FAF1: variants seen among roughly 807,000 people sequenced by gnomAD.
The protein encoded by FAF1 is Fas associated factor 1.
Under a neutral mutation model 92.5 loss-of-function variants are expected in FAF1, and 25 were observed. That is an observed-to-expected ratio of 0.27 (90% CI 0.20 to 0.38). The LOEUF (loss-of-function observed/expected upper bound fraction) is 0.38, where lower values mean the gene tolerates loss of function less well. Ranked by LOEUF, FAF1 falls within the 10% of genes least tolerant of loss-of-function variation. The probability of loss-of-function intolerance (pLI) is 1.00; values close to 1 mark genes in which losing one functional copy is unlikely to be tolerated. For missense variants in FAF1, 636 were observed against 793.3 expected (o/e 0.80, Z 2.38); for synonymous variants, 234 against 273.2 (o/e 0.86, Z 1.42).
chr1:50,852,374 T>A (rs907430887), intron 2 of FAF1, among the ~76,000 whole-genome samples: 2 of 149,672 alleles, frequency 1.3e-5, no homozygotes. Flanking sequence ...AATAACTCAA[T>A]CAGTCAAGTA....
At chr1:50,789,641 C>A in intron 3 of FAF1, among the ~76,000 whole-genome samples, 1 of 152,216 alleles carries the variant, frequency 6.6e-6, no homozygotes, top group Non-Finnish European at 1.5e-5. Flanking sequence ...CCTAACTAAT[C>A]CCTTTATATG....
intron 8 of FAF1, among the ~76,000 whole-genome samples, chr1:50,613,285 G>A (rs1652760938): frequency 6.6e-6 from 1 of 152,160 alleles, no homozygotes; most frequent in Non-Finnish European, 1.5e-5. Context: ...ATTCTGACAT[G>A]ATATGGCATA....
chr1:50,501,903 T>C (rs1178969287), intron 15 of FAF1, among the ~76,000 whole-genome samples: 1 of 152,180 alleles, frequency 6.6e-6, no homozygotes, highest in Non-Finnish European at 1.5e-5. Flanking sequence ...ATAAAATGTG[T>C]ACACAAATGT....
intron 15 of FAF1, among the ~76,000 whole-genome samples, chr1:50,508,774 T>C (rs1259214615): frequency 6.6e-6 from 1 of 152,260 alleles, no homozygotes; most frequent in Non-Finnish European, 1.5e-5. Context: ...CAATCTCAGC[T>C]CACTGCAACC....
chr1:50,904,892 C>CT (rs998060032), intron 1 of FAF1, among the ~76,000 whole-genome samples: 2 of 149,612 alleles, frequency 1.3e-5, no homozygotes, highest in African/African-American at 4.9e-5. Context: ...TTTTTTTTTC[C>CT]TTTTTTTAAT....
At chr1:50,822,838 G>A (rs184708837) in intron 2 of FAF1, among the ~76,000 whole-genome samples, 3 of 144,602 alleles carry the variant, frequency 2.1e-5, no homozygotes, top group East Asian at 2.0e-4. Context: ...GCAATGGCAC[G>A]ATCTCAGCTC....
chr1:50,722,861 C>T (rs1179151822), intron 6 of FAF1, among the ~76,000 whole-genome samples: 1 of 152,100 alleles, frequency 6.6e-6, no homozygotes, highest in Non-Finnish European at 1.5e-5. Context: ...AGGCGTAAAT[C>T]GACCATTTTA....
At chr1:50,467,613 T>C (rs559586059) in intron 18 of FAF1, among the ~76,000 whole-genome samples, 15 of 152,274 alleles carry the variant, frequency 9.9e-5, no homozygotes, top group African/African-American at 3.4e-4. Context: ...ATGCTCAGCC[T>C]TGAAAGTATT....
chr1:50,711,661 T>C (rs144330032), intron 6 of FAF1, among the ~76,000 whole-genome samples: 144 of 151,982 alleles, frequency 9.5e-4, no homozygotes, highest in African/African-American at 3.4e-3. Context: ...GAGACAAGGT[T>C]TTACTATATT....
intron 18 of FAF1, among the ~76,000 whole-genome samples, chr1:50,466,755 A>T (rs1292241747): frequency 6.6e-6 from 1 of 152,156 alleles, no homozygotes; most frequent in Non-Finnish European, 1.5e-5. Flanking sequence ...CCAGTTTTAT[A>T]TATCCTGTCC....
chr1:50,469,123 G>A (rs528488186), intron 18 of FAF1, among the ~76,000 whole-genome samples: 1 of 152,168 alleles, frequency 6.6e-6, no homozygotes, highest in East Asian at 1.9e-4. Context: ...TAAATATTAT[G>A]TAAACAGTTT....
rs566627712 is a variant in FAF1 at position 50,851,924 on chromosome 1, T to A, written c.114+6005A>T. Among the ~76,000 whole-genome samples, 27 of 152,076 alleles carry A rather than the reference T, an allele frequency of 1.8e-4. No individual in the cohort carries two copies. In the East Asian group the frequency reaches 4.8e-3, roughly 27 times the overall value. Reference sequence around the variant, plus strand: ...TCCTCGGAAAGGTAAAAAAAAAAAATTCTTTCATAACTATTTAATTATAGT... The same window carrying A: ...TCCTCGGAAAGGTAAAAAAAAAAAAATCTTTCATAACTATTTAATTATAGT... On this transcript the variant is annotated intron_variant, in intron 2 of 18. Transcript: ENST00000396153.
intron 8 of FAF1, among the ~76,000 whole-genome samples, chr1:50,598,359 G>A (rs1467263130): frequency 6.6e-6 from 1 of 151,434 alleles, no homozygotes; most frequent in Non-Finnish European, 1.5e-5. Context: ...CTACTAGGGA[G>A]GCTGAGATGG....
At chr1:50,505,084 T>C (rs1237155432) in intron 15 of FAF1, among the ~76,000 whole-genome samples, 1 of 152,184 alleles carries the variant, frequency 6.6e-6, no homozygotes, top group Non-Finnish European at 1.5e-5. Flanking sequence ...AGGTAATATA[T>C]CTAACACTGC....
chr1:50,853,125 A>G lies in FAF1; in HGVS notation c.114+4804T>C, dbSNP rs74080099. 6.7e-3 allele frequency among the ~76,000 whole-genome samples: 1,017 copies of G among 152,268 alleles called. 10 individuals are homozygous for G. The highest frequency in any genetic ancestry group is 0.024 in the African/African-American group (979 of 41,550). On this transcript the variant is annotated intron_variant, in intron 2 of 18. Coordinates refer to ENST00000396153, the MANE Select transcript of FAF1 (RefSeq NM_007051.3). ...AATGGTTAGTCTATTCATTCATAAAACTGCAGGTGTTCATAACACTGTATA... is the reference window on the plus strand; with the variant it reads ...AATGGTTAGTCTATTCATTCATAAAGCTGCAGGTGTTCATAACACTGTATA...
chr1:50,548,913 T>C (rs1471456609), intron 13 of FAF1, among the ~76,000 whole-genome samples: 1 of 152,222 alleles, frequency 6.6e-6, no homozygotes, highest in Non-Finnish European at 1.5e-5. Context: ...TTCTCATCTA[T>C]AAAATGAAGA....
intron 7 of FAF1, among the ~76,000 whole-genome samples, chr1:50,697,942 G>C (rs182487493): frequency 1.3e-5 from 2 of 152,228 alleles, no homozygotes; most frequent in Admixed American, 6.5e-5. Flanking sequence ...ATAACACTGA[G>C]TCATACACAA....
At chr1:50,550,191 A>C (rs1378278664) in intron 13 of FAF1, among the ~76,000 whole-genome samples, 1 of 151,866 alleles carries the variant, frequency 6.6e-6, no homozygotes, top group East Asian at 1.9e-4. Flanking sequence ...TCTACTAAAA[A>C]TACAAAAAAA....
chr1:50,635,291 C>A (rs2124221271), intron 8 of FAF1, among the ~76,000 whole-genome samples: 1 of 152,326 alleles, frequency 6.6e-6, no homozygotes, highest in Middle Eastern at 3.4e-3. Context: ...TAATTGTAAA[C>A]CTTCACATTC....
Sources: gnomAD v4.1 joint callset for allele counts (sites outside exome capture counted in the v4.1 genomes callset) on GRCh38, gnomAD v4.1.1 for gene constraint, MANE v1.5 for transcripts, NCBI Gene and HGNC (gene_info 2026-07-23, HGNC 2026-07-21) for gene names.